The following DOCK1 variants were observed in gnomAD, a reference collection of about 807,000 sequenced individuals.
DOCK1 encodes the protein dedicator of cytokinesis 1.
DOCK1 carries 138 observed loss-of-function variants against 262.7 expected under a neutral mutation model. The ratio of observed to expected loss-of-function variants is 0.53; its 90% CI spans 0.46 to 0.61. The LOEUF (loss-of-function observed/expected upper bound fraction) is 0.61. Among genes scored for constraint, DOCK1 ranks in the 20% least tolerant of loss-of-function variants. DOCK1 has a pLI of 0.00. For synonymous variants in DOCK1, 866 were observed against 867.4 expected (o/e 1.00, Z 0.03); for missense variants, 1,908 against 2,370.7 (o/e 0.80, Z 4.05).
In DOCK1 at chr10:126,967,158, C is replaced by A. The variant is rs916910632; in HGVS notation, c.47-3544C>A. 8.4e-3 allele frequency among the ~76,000 whole-genome samples: 1,280 copies of A among 152,236 alleles called. 13 individuals carry two copies. The highest frequency in any genetic ancestry group is 0.017 in the Middle Eastern group (5 of 294). On this transcript the variant is annotated intron_variant, in intron 1 of 51. Transcript: ENST00000623213. ...AAAACTGAGCGATCAGCAAAAAGGC[C>A]ACCATCTTTGTAGTACGTCATATGT...
chr10:127,121,756 A>G (rs1331933833), intron 25 of DOCK1, among the ~76,000 whole-genome samples: 3 of 152,260 alleles, frequency 2.0e-5, no homozygotes, highest in Admixed American at 6.5e-5. Context: ...TTTTCTTTGT[A>G]TATTTTTAGT....
At chr10:127,153,420 TC>T (rs929808392) in intron 27 of DOCK1, among the ~76,000 whole-genome samples, 7 of 152,170 alleles carry the variant, frequency 4.6e-5, no homozygotes, top group Non-Finnish European at 1.0e-4. Context: ...CCTCGAGAGT[TC>T]CCAGGAAATG....
chr10:127,401,059 G>C (rs1172815516), intron 38 of DOCK1, among the ~76,000 whole-genome samples: 1 of 151,928 alleles, frequency 6.6e-6, no homozygotes, highest in Non-Finnish European at 1.5e-5. Context: ...GCTCTACCCA[G>C]ACCACCAGCC....
At chr10:127,332,350 T>C (rs1264543288) in intron 29 of DOCK1, among the ~76,000 whole-genome samples, 1 of 152,168 alleles carries the variant, frequency 6.6e-6, no homozygotes. Flanking sequence ...GCTTAAGCTT[T>C]TATTGATTTG....
At chr10:126,997,251 C>T (rs1384185487) in intron 7 of DOCK1, among the ~76,000 whole-genome samples, 4 of 152,200 alleles carry the variant, frequency 2.6e-5, no homozygotes, top group Non-Finnish European at 4.4e-5. Context: ...ATTGTCTTTT[C>T]GTCTTCTATG....
chr10:127,162,494 G>T (rs151066710), intron 27 of DOCK1, among the ~76,000 whole-genome samples: 93 of 152,290 alleles, frequency 6.1e-4, no homozygotes, highest in Non-Finnish European at 1.1e-3. Flanking sequence ...AGCTAATTCA[G>T]AAGTTGAGTT....
chr10:127,295,376 CA>C (rs1177628359), intron 29 of DOCK1, among the ~76,000 whole-genome samples: 1 of 152,124 alleles, frequency 6.6e-6, no homozygotes, highest in Non-Finnish European at 1.5e-5. Flanking sequence ...CTCATTGCCA[CA>C]GGGAAGGCAC....
At chr10:127,393,567 G>C (rs940015396) in intron 38 of DOCK1, among the ~76,000 whole-genome samples, 8 of 152,104 alleles carry the variant, frequency 5.3e-5, no homozygotes. Flanking sequence ...ATCTCTCTGT[G>C]CTCCCCGGGA....
chr10:127,088,050 C>A (rs536607734), intron 23 of DOCK1, among the ~76,000 whole-genome samples: 22 of 152,130 alleles, frequency 1.4e-4, no homozygotes, highest in Non-Finnish European at 3.1e-4. Context: ...TTTACAAATG[C>A]GTAGTGAAAG....
At chr10:127,378,762 GCTTATC>G (rs1590788569) in intron 35 of DOCK1, among the ~76,000 whole-genome samples, 1 of 152,308 alleles carries the variant, frequency 6.6e-6, no homozygotes, top group East Asian at 1.9e-4. Context: ...GAAATGAAGG[GCTTATC>G]CTCTGCCTTT....
intron 29 of DOCK1, among the ~76,000 whole-genome samples, chr10:127,300,913 G>A (rs77110404): frequency 0.025 from 3,873 of 152,268 alleles, 153 homozygotes; most frequent in African/African-American, 0.085. Context: ...ACCCCACCAC[G>A]AGGCCGGCAG....
intron 29 of DOCK1, among the ~76,000 whole-genome samples, chr10:127,297,518 G>A (rs979218133): frequency 4.0e-5 from 6 of 151,088 alleles, no homozygotes; most frequent in Non-Finnish European, 8.9e-5. Flanking sequence ...AGGAGAACCA[G>A]GCAGGAGCTA....
chr10:127,315,795 T>G (rs1225007399), intron 29 of DOCK1, among the ~76,000 whole-genome samples: 1 of 152,090 alleles, frequency 6.6e-6, no homozygotes, highest in Non-Finnish European at 1.5e-5. Context: ...CCCTCCTGGG[T>G]TGAAGTGATT....
chr10:127,013,664 G>C (rs116721073), intron 12 of DOCK1: 1 of 152,228 alleles, frequency 6.6e-6, no homozygotes, highest in African/African-American at 2.4e-5. Context: ...ATGTCCGGGG[G>C]TCCAGTTCCT....
intron 27 of DOCK1, among the ~76,000 whole-genome samples, chr10:127,184,465 C>G (rs1343996263): frequency 6.6e-6 from 1 of 151,918 alleles, no homozygotes; most frequent in Non-Finnish European, 1.5e-5. Context: ...GCCCTCAGCT[C>G]TCCATTCCCC....
intron 23 of DOCK1, among the ~76,000 whole-genome samples, chr10:127,077,553 G>A (rs2046643175): frequency 6.6e-6 from 1 of 152,136 alleles, no homozygotes; most frequent in Non-Finnish European, 1.5e-5. Flanking sequence ...TGGATTCAAG[G>A]ATGGCATGGG....
At chr10:127,111,390 T>C (rs981911264) in intron 25 of DOCK1, among the ~76,000 whole-genome samples, 1 of 152,196 alleles carries the variant, frequency 6.6e-6, no homozygotes, top group African/African-American at 2.4e-5. Context: ...CCCCTCCATG[T>C]AGACCTCTCT....
At chr10:127,378,627 C>T (rs1287865016) in intron 35 of DOCK1, among the ~76,000 whole-genome samples, 1 of 151,890 alleles carries the variant, frequency 6.6e-6, no homozygotes, top group African/African-American at 2.4e-5. Context: ...GAATGAAGGT[C>T]GCATGATATT....
At chr10:127,438,909 C>T (rs915732303) in intron 48 of DOCK1, 118 bp from the exon 49 acceptor site, 1 of 1,126,192 alleles carries the variant, frequency 8.9e-7, no homozygotes, top group East Asian at 2.6e-5. Context: ...CTTGGCCTCC[C>T]TTTTAAATCA....
Sources: gnomAD v4.1 joint callset for allele counts (sites outside exome capture counted in the v4.1 genomes callset) on GRCh38, gnomAD v4.1.1 for gene constraint, MANE v1.5 for transcripts, NCBI Gene and HGNC (gene_info 2026-07-23, HGNC 2026-07-21) for gene names.